The following NAT1 variants were observed in gnomAD, a reference collection of about 807,000 sequenced individuals.
NAT1 encodes the protein arylamine N-acetyltransferase 1.
For synonymous variants in NAT1, 144 were observed against 122.6 expected, an observed-to-expected ratio of 1.17 and a Z score of -1.16; for missense variants, 400 against 339.2, an observed-to-expected ratio of 1.18 and a Z score of -1.41.
chr8:18,199,442 A>G (rs558864393), intron 2 of NAT1, among the ~76,000 whole-genome samples: 1 of 151,394 alleles, frequency 6.6e-6, no homozygotes, highest in Non-Finnish European at 1.5e-5. Flanking sequence ...CATCTTTGAT[A>G]TCACACGAAA....
At chr8:18,205,184 G>C (rs1455825959), upstream of NAT1, among the ~76,000 whole-genome samples, 1 of 152,246 alleles carries the variant, frequency 6.6e-6, no homozygotes, top group African/African-American at 2.4e-5. Context: ...GGTAGTGGCA[G>C]CATGGTAGGT....
chr8:18,221,853 C>G, intron 2 of NAT1, 189 bp from the exon 3 acceptor site: 2 of 532,350 alleles, frequency 3.8e-6, no homozygotes, highest in East Asian at 6.4e-5. Flanking sequence ...ATACATTTCT[C>G]ACAGGATTCT....
chr8:18,219,704 C>T (rs975207917), intron 2 of NAT1, among the ~76,000 whole-genome samples: 26 of 152,322 alleles, frequency 1.7e-4, no homozygotes, highest in African/African-American at 6.0e-4. Flanking sequence ...TGAAGCACAA[C>T]GTTAATAATG....
At chr8:18,181,748 C>A (rs1351399271) in intron 2 of NAT1, among the ~76,000 whole-genome samples, 2 of 152,112 alleles carry the variant, frequency 1.3e-5, no homozygotes, top group Non-Finnish European at 2.9e-5. Context: ...GAGATATTTT[C>A]CTTCCATATC....
In NAT1 at chr8:18,213,328, T is replaced by C. The variant is rs565625991; in HGVS notation, c.-86+3148T>C. 1.9e-3 allele frequency among the ~76,000 whole-genome samples: 290 copies of C among 152,220 alleles called. 2 individuals carry two copies. The highest frequency in any genetic ancestry group is 6.8e-3 in the Middle Eastern group (2 of 294). On this transcript the variant is annotated intron_variant, in intron 1 of 2. Transcript: ENST00000307719. ...TCTCCAATTACCTTCAACTGCTACC[T>C]CTCCTTATTTTATTATACCTAGATA... is the stretch of plus-strand genomic sequence containing the variant.
chr8:18,182,708 G>C (rs939454043), intron 2 of NAT1, among the ~76,000 whole-genome samples: 2 of 152,116 alleles, frequency 1.3e-5, no homozygotes, highest in Admixed American at 1.3e-4. Context: ...CTCTAAGACT[G>C]TCTCACTATT....
intron 2 of NAT1, among the ~76,000 whole-genome samples, chr8:18,191,776 G>A (rs933052861): frequency 1.9e-4 from 29 of 151,832 alleles, no homozygotes; most frequent in African/African-American, 6.0e-4. Flanking sequence ...TGGGAAAACT[G>A]GCTAGCCATA....
At chr8:18,193,786 G>T (rs1803120187) in intron 2 of NAT1, among the ~76,000 whole-genome samples, 1 of 151,266 alleles carries the variant, frequency 6.6e-6, no homozygotes, top group Admixed American at 6.6e-5. Flanking sequence ...GGATACAGGT[G>T]CCTGCCACCA....
rs537387408 is a variant in NAT1 at position 18,212,968 on chromosome 8, G to A, written c.-86+2788G>A. On this transcript the variant is annotated intron_variant, in intron 1 of 2. Coordinates refer to ENST00000307719, the MANE Select transcript of NAT1 (RefSeq NM_000662.8). Reference sequence around the variant, plus strand: ...TGCTCAGGCTGGAGTGCAGTGGCACGATCTCAGCTCCCTGCAACCTCCACC... The same window carrying A: ...TGCTCAGGCTGGAGTGCAGTGGCACAATCTCAGCTCCCTGCAACCTCCACC... Among the ~76,000 whole-genome samples the A allele has an allele frequency of 1.3e-4, 19 of 150,462 alleles. No individual in the cohort carries two copies. The South Asian group carries it at 3.2e-3, about 25-fold the overall frequency.
chr8:18,191,247 A>T (rs1802978271), intron 2 of NAT1, among the ~76,000 whole-genome samples: 1 of 152,162 alleles, frequency 6.6e-6, no homozygotes, highest in Non-Finnish European at 1.5e-5. Context: ...GACTGAATTG[A>T]ATATGTCTAC....
chr8:18,183,209 T>C (rs773730912), intron 2 of NAT1, among the ~76,000 whole-genome samples: 2 of 152,174 alleles, frequency 1.3e-5, no homozygotes, highest in Non-Finnish European at 2.9e-5. Flanking sequence ...CTTTTTACGA[T>C]TGCATTAATC....
upstream of NAT1, among the ~76,000 whole-genome samples, chr8:18,208,135 T>C (rs1369078705): frequency 7.2e-6 from 1 of 139,728 alleles, no homozygotes; most frequent in Non-Finnish European, 1.6e-5. Flanking sequence ...GGTGGGGGTA[T>C]GGGGAGGGAG....
intron 2 of NAT1, among the ~76,000 whole-genome samples, chr8:18,171,777 G>C (rs1285396369): frequency 6.6e-6 from 1 of 152,162 alleles, no homozygotes; most frequent in Admixed American, 6.6e-5. Flanking sequence ...ACGCAACAAG[G>C]AGTATTTCCT....
rs192844477 is a variant in NAT1, at chr8:18,174,616, G to T, written n.92+3877G>T. Among the ~76,000 whole-genome samples, 443 of 152,072 alleles carry T rather than the reference G, an allele frequency of 2.9e-3. 2 individuals carry two copies. Among genetic ancestry groups the T allele is most frequent in the Non-Finnish European group, 2.2e-3 (148 of 67,980 alleles). On this transcript the variant is annotated intron_variant and non_coding_transcript_variant, in intron 2 of 4. Transcript: ENST00000517441. ...ATTCAAAATCCGGAGGAGTCCTCAC[G>T]CCCTGGAGAACCCAGCTTTAGAGGG...
chr8:18,178,427 T>C (rs1158830477), intron 2 of NAT1, among the ~76,000 whole-genome samples: 2 of 152,126 alleles, frequency 1.3e-5, no homozygotes, highest in African/African-American at 4.8e-5. Context: ...CTGGGCTGAG[T>C]TAGAATCAAC....
At chr8:18,193,598 C>T (rs1020024633) in intron 2 of NAT1, among the ~76,000 whole-genome samples, 7 of 139,966 alleles carry the variant, frequency 5.0e-5, no homozygotes, top group South Asian at 2.2e-4. Flanking sequence ...CTGTGAAAAA[C>T]GGGATATTGT....
intron 2 of NAT1, among the ~76,000 whole-genome samples, chr8:18,201,783 T>C (rs1174732288): frequency 6.6e-6 from 1 of 152,100 alleles, no homozygotes; most frequent in Non-Finnish European, 1.5e-5. Flanking sequence ...AGTGTGAAAA[T>C]GGGATTCTTG....
intron 2 of NAT1, among the ~76,000 whole-genome samples, chr8:18,196,023 A>T (rs1408870726): frequency 6.6e-6 from 1 of 152,206 alleles, no homozygotes; most frequent in Non-Finnish European, 1.5e-5. Context: ...TTATAAATAG[A>T]TGGTGGATCC....
intron 2 of NAT1, among the ~76,000 whole-genome samples, chr8:18,202,478 C>G (rs527999431): frequency 6.6e-6 from 1 of 152,206 alleles, no homozygotes; most frequent in Admixed American, 6.5e-5. Context: ...AATGAAGCTG[C>G]GGACCTTTGC....
Sources: gnomAD v4.1 joint callset for allele counts (sites outside exome capture counted in the v4.1 genomes callset) on GRCh38, gnomAD v4.1.1 for gene constraint, MANE v1.5 for transcripts, NCBI Gene and HGNC (gene_info 2026-07-23, HGNC 2026-07-21) for gene names.